The following FOXP2 variants were observed in gnomAD, a reference collection of about 807,000 sequenced individuals.
The protein encoded by FOXP2 is forkhead box protein P2.
FOXP2 carries 12 observed loss-of-function variants against 115.8 expected under a neutral mutation model. The ratio of observed to expected loss-of-function variants is 0.10; its 90% CI spans 0.07 to 0.17. The LOEUF is 0.17. Among genes scored for constraint, FOXP2 ranks in the 10% least tolerant of loss-of-function variants. FOXP2 has a pLI of 1.00. For synonymous variants in FOXP2, 328 were observed against 297.7 expected (o/e 1.10, Z -1.05); for missense variants, 629 against 843.5 (o/e 0.75, Z 3.15).
At chr7:114,248,228 G>A (rs1040015682) in intron 1 of FOXP2, among the ~76,000 whole-genome samples, 2 of 151,814 alleles carry the variant, frequency 1.3e-5, no homozygotes, top group African/African-American at 4.8e-5. Context: ...GAGACAGAGA[G>A]AATTTTTTCT....
intron 8 of FOXP2, among the ~76,000 whole-genome samples, chr7:114,646,358 CA>C (rs1805892752): frequency 6.6e-6 from 1 of 151,888 alleles, no homozygotes; most frequent in South Asian, 2.1e-4. Context: ...TTGTTTATAG[CA>C]AATTGAAAGA....
chr7:114,568,811 A>T (rs550169374), intron 3 of FOXP2, among the ~76,000 whole-genome samples: 1 of 151,964 alleles, frequency 6.6e-6, no homozygotes, highest in South Asian at 2.1e-4. Context: ...TTATTACTGT[A>T]CTTGTACATT....
At chr7:114,269,061 C>T (rs1795971608) in intron 1 of FOXP2, among the ~76,000 whole-genome samples, 1 of 152,182 alleles carries the variant, frequency 6.6e-6, no homozygotes, top group African/African-American at 2.4e-5. Context: ...CTGAAGAAAT[C>T]ATGTCATTTA....
intron 2 of FOXP2, among the ~76,000 whole-genome samples, chr7:114,348,577 G>A (rs557971694): frequency 1.7e-4 from 26 of 151,404 alleles, no homozygotes; most frequent in African/African-American, 5.1e-4. Flanking sequence ...GCTGTTTCTG[G>A]TTCTTCTGGA....
intron 3 of FOXP2, among the ~76,000 whole-genome samples, chr7:114,562,359 T>C (rs1800796352): frequency 6.6e-6 from 1 of 152,142 alleles, no homozygotes; most frequent in East Asian, 1.9e-4. Flanking sequence ...TCTCCCTGCA[T>C]CAGTTTCTAG....
intron 1 of FOXP2, among the ~76,000 whole-genome samples, chr7:114,255,785 C>A (rs1203452648): frequency 6.6e-6 from 1 of 152,112 alleles, no homozygotes; most frequent in Admixed American, 6.5e-5. Context: ...ACTCGGTGTG[C>A]TCCACCCACT....
At chr7:114,368,809 A>C (rs1434833254) in intron 2 of FOXP2, among the ~76,000 whole-genome samples, 2 of 152,178 alleles carry the variant, frequency 1.3e-5, no homozygotes, top group African/African-American at 2.4e-5. Flanking sequence ...TTTGACCAAC[A>C]TTTTTACCTA....
chr7:114,638,355 C>A lies in FOXP2; in HGVS notation c.776-4055C>A, dbSNP rs1244363119. 2.0e-5 allele frequency among the ~76,000 whole-genome samples: 3 copies of A among 152,116 alleles called. 1 individual carries two copies. Among genetic ancestry groups the A allele is most frequent in the African/African-American group, 4.8e-5 (2 of 41,422 alleles). On this transcript the variant is annotated intron_variant, in intron 6 of 16. Coordinates refer to ENST00000350908, the MANE Select transcript of FOXP2 (RefSeq NM_014491.4). ...GAATAATAAGTCCCCAAGACAGAGA[C>A]CACAGATCTCTTAGATTAACAGCAT...
intron 2 of FOXP2, among the ~76,000 whole-genome samples, chr7:114,505,532 G>T (rs999499000): frequency 6.0e-5 from 9 of 149,506 alleles, no homozygotes; most frequent in Non-Finnish European, 1.3e-4. Flanking sequence ...AGTATTTAGA[G>T]ATCAAATAAT....
intron 1 of FOXP2, among the ~76,000 whole-genome samples, chr7:114,236,764 G>A (rs554530546): frequency 1.3e-5 from 2 of 152,250 alleles, no homozygotes; most frequent in African/African-American, 4.8e-5. Flanking sequence ...ATCACTTGAG[G>A]CCAGGAGTTC....
At chr7:114,186,040 C>A (rs1307580359) in intron 1 of FOXP2, among the ~76,000 whole-genome samples, 3 of 151,968 alleles carry the variant, frequency 2.0e-5, no homozygotes, top group African/African-American at 7.2e-5. Context: ...GGCACCAATT[C>A]CACCATGAGG....
At chr7:114,160,196 C>T (rs1199773846), upstream of FOXP2, among the ~76,000 whole-genome samples, 1 of 152,072 alleles carries the variant, frequency 6.6e-6, no homozygotes, top group Non-Finnish European at 1.5e-5. Flanking sequence ...GCTTTGATTT[C>T]TAGGACTTCC....
At chr7:114,383,558 C>T (rs1222083824) in intron 2 of FOXP2, among the ~76,000 whole-genome samples, 1 of 152,134 alleles carries the variant, frequency 6.6e-6, no homozygotes, top group Non-Finnish European at 1.5e-5. Flanking sequence ...GCACATATGG[C>T]ACTTCACTCC....
intron 2 of FOXP2, among the ~76,000 whole-genome samples, chr7:114,330,439 C>T (rs993590307): frequency 6.7e-6 from 1 of 149,150 alleles, no homozygotes; most frequent in African/African-American, 2.5e-5. Flanking sequence ...TCGAGAACAG[C>T]CTGGGCAACA....
At chr7:114,558,530 T>G (rs1005436130) in intron 3 of FOXP2, among the ~76,000 whole-genome samples, 3 of 152,186 alleles carry the variant, frequency 2.0e-5, no homozygotes, top group Non-Finnish European at 2.9e-5. Flanking sequence ...ACCACCCTTC[T>G]TCCCTAAAAT....
chr7:114,624,266 G>C (rs1481263469), intron 3 of FOXP2, among the ~76,000 whole-genome samples: 1 of 151,872 alleles, frequency 6.6e-6, no homozygotes, highest in Non-Finnish European at 1.5e-5. Flanking sequence ...TATTACACAA[G>C]TAGTTAATTG....
At chr7:114,553,542 T>C (rs1394788986) in intron 3 of FOXP2, among the ~76,000 whole-genome samples, 1 of 152,144 alleles carries the variant, frequency 6.6e-6, no homozygotes, top group Non-Finnish European at 1.5e-5. Flanking sequence ...TCTTTAGAAA[T>C]CTATAACTTC....
chr7:114,183,890 C>T (rs1323793603), intron 1 of FOXP2, among the ~76,000 whole-genome samples: 2 of 152,028 alleles, frequency 1.3e-5, no homozygotes, highest in Non-Finnish European at 2.9e-5. Flanking sequence ...TTGTTGGGTC[C>T]AGATGTGTTT....
At chr7:114,170,524 C>A (rs1177123992) in intron 1 of FOXP2, among the ~76,000 whole-genome samples, 1 of 152,146 alleles carries the variant, frequency 6.6e-6, no homozygotes, top group African/African-American at 2.4e-5. Flanking sequence ...TGACAAACAG[C>A]CCAAAGTTCT....
Sources: gnomAD v4.1 joint callset for allele counts (sites outside exome capture counted in the v4.1 genomes callset) on GRCh38, gnomAD v4.1.1 for gene constraint, MANE v1.5 for transcripts, NCBI Gene and HGNC (gene_info 2026-07-23, HGNC 2026-07-21) for gene names.